FAM227B: variants seen among roughly 807,000 people sequenced by gnomAD.
FAM227B encodes the protein family with sequence similarity 227 member B, also known as protein FAM227B.
Under a neutral mutation model 73.8 loss-of-function variants are expected in FAM227B, and 88 were observed. The observed-to-expected ratio is 1.19, with a 90% CI of 1.00 to 1.42. The LOEUF (loss-of-function observed/expected upper bound fraction) is 1.42, where lower values mean the gene tolerates loss of function less well. FAM227B is among the 40% of genes most tolerant of loss of function. FAM227B has a pLI of 0.00. For synonymous variants in FAM227B, 210 were observed against 190.5 expected (o/e 1.10, Z -0.84); for missense variants, 632 against 590.9 (o/e 1.07, Z -0.72).
chr15:49,329,903 CCAATG>C (rs2038295220), intron 15 of FAM227B: 1 of 275,846 alleles, frequency 3.6e-6, no homozygotes, highest in Non-Finnish European at 5.5e-6. Flanking sequence ...GTAAAAATTT[CCAATG>C]TGCACTCTTC....
chr15:49,461,985 C>A (rs764498180), intron 11 of FAM227B, among the ~76,000 whole-genome samples: 6 of 152,132 alleles, frequency 3.9e-5, no homozygotes, highest in Admixed American at 2.0e-4. Flanking sequence ...GCCTGGCCAA[C>A]ATGGCAAAAT....
chr15:49,468,930 A>C (rs2054496909), intron 11 of FAM227B, among the ~76,000 whole-genome samples: 1 of 152,114 alleles, frequency 6.6e-6, no homozygotes, highest in Non-Finnish European at 1.5e-5. Flanking sequence ...GTCACTTTTG[A>C]AAAAGTCAAT....
Position 49,568,184 on chromosome 15 carries a change from G to C in FAM227B, c.747+61C>G, listed in dbSNP as rs555995362. ...CTCATATGGGTTTAAATAAAATAACGATTTTTTCTATTTCATTCACTTTAA... is the reference window on the plus strand; with the variant it reads ...CTCATATGGGTTTAAATAAAATAACCATTTTTTCTATTTCATTCACTTTAA... On this transcript the variant is annotated intron_variant, in intron 9 of 15. Coordinates refer to ENST00000299338, the MANE Select transcript of FAM227B (RefSeq NM_152647.3). 4 of 1,384,954 alleles carry C rather than the reference G, an allele frequency of 2.9e-6. No homozygotes were observed. The African/African-American group carries it at 5.9e-5, about 20-fold the overall frequency. The allele number at this position is 1,384,954 out of a possible 1,614,324, so 85.8% of individuals were successfully genotyped here.
At chr15:49,552,096 A>G (rs928744470) in intron 9 of FAM227B, among the ~76,000 whole-genome samples, 2 of 152,176 alleles carry the variant, frequency 1.3e-5, no homozygotes, top group African/African-American at 4.8e-5. Flanking sequence ...TGTAAATGTA[A>G]GTGATTACTT....
At chr15:49,522,613 A>T (rs2059867587) in intron 10 of FAM227B, among the ~76,000 whole-genome samples, 1 of 152,132 alleles carries the variant, frequency 6.6e-6, no homozygotes, top group Admixed American at 6.5e-5. Flanking sequence ...TAAAAATAAA[A>T]AACTCTCTGA....
At chr15:49,505,333 TAC>T (rs1229913996) in intron 11 of FAM227B, among the ~76,000 whole-genome samples, 4 of 152,184 alleles carry the variant, frequency 2.6e-5, no homozygotes, top group African/African-American at 7.2e-5. Context: ...GTAATGGTTT[TAC>T]AGATTTATAC....
At chr15:49,421,273 T>C (rs1352580496) in intron 11 of FAM227B, among the ~76,000 whole-genome samples, 1 of 152,206 alleles carries the variant, frequency 6.6e-6, no homozygotes, top group Admixed American at 6.5e-5. Context: ...TAAGTTTGGT[T>C]CTCCATTATA....
intron 10 of FAM227B, among the ~76,000 whole-genome samples, chr15:49,538,967 A>G (rs1280543279): frequency 1.3e-5 from 2 of 152,072 alleles, no homozygotes; most frequent in East Asian, 1.9e-4. Flanking sequence ...GTTACTAGAA[A>G]ATTATTGCAT....
chr15:49,363,092 T>C lies in FAM227B; in HGVS notation c.1271+4356A>G, dbSNP rs147764752. Among the ~76,000 whole-genome samples, 454 of 152,322 alleles carry C rather than the reference T, an allele frequency of 3.0e-3. 4 individuals carry two copies. Among genetic ancestry groups the C allele is most frequent in the African/African-American group, 0.01 (428 of 41,588 alleles). On this transcript the variant is annotated intron_variant, in intron 13 of 15. Coordinates refer to ENST00000299338, the MANE Select transcript of FAM227B (RefSeq NM_152647.3). ...GCTTTGTCCTTTTTGCTTAAGATTGTCTTGGCTGTTCAAGCTCTTTTTTGG... is the reference window on the plus strand; with the variant it reads ...GCTTTGTCCTTTTTGCTTAAGATTGCCTTGGCTGTTCAAGCTCTTTTTTGG...
At chr15:49,411,872 A>AT (rs1206751979) in intron 11 of FAM227B, among the ~76,000 whole-genome samples, 1 of 152,080 alleles carries the variant, frequency 6.6e-6, no homozygotes, top group African/African-American at 2.4e-5. Context: ...GGATATATCA[A>AT]TTGTTATGGG....
At chr15:49,427,063 T>C (rs1023414628) in intron 11 of FAM227B, among the ~76,000 whole-genome samples, 1 of 151,900 alleles carries the variant, frequency 6.6e-6, no homozygotes, top group Admixed American at 6.6e-5. Context: ...ATGAAGAATA[T>C]ATGGAGAATA....
chr15:49,562,312 C>T (rs543187724), intron 9 of FAM227B, among the ~76,000 whole-genome samples: 3 of 151,690 alleles, frequency 2.0e-5, no homozygotes, highest in South Asian at 4.2e-4. Flanking sequence ...AAATTGAAAC[C>T]CTGAACAGAC....
chr15:49,612,130 T>C (rs554884735), intron 2 of FAM227B, among the ~76,000 whole-genome samples: 1 of 152,016 alleles, frequency 6.6e-6, no homozygotes, highest in Non-Finnish European at 1.5e-5. Context: ...TTAGGGTACA[T>C]GTGTACAACG....
chr15:49,534,260 G>A (rs977820758), intron 10 of FAM227B, among the ~76,000 whole-genome samples: 2 of 151,826 alleles, frequency 1.3e-5, no homozygotes, highest in Admixed American at 6.6e-5. Flanking sequence ...TCTACTTAAA[G>A]TTTCACCTCT....
intron 13 of FAM227B, among the ~76,000 whole-genome samples, chr15:49,346,107 A>T (rs2041461100): frequency 6.6e-6 from 1 of 151,652 alleles, no homozygotes; most frequent in Non-Finnish European, 1.5e-5. Context: ...TGAACACGAA[A>T]CTTAACCTTT....
intron 11 of FAM227B, among the ~76,000 whole-genome samples, chr15:49,373,657 T>A (rs1045406673): frequency 6.6e-6 from 1 of 152,140 alleles, no homozygotes; most frequent in African/African-American, 2.4e-5. Flanking sequence ...TCCATAATTA[T>A]CCCCTATTTA....
intron 11 of FAM227B, among the ~76,000 whole-genome samples, chr15:49,421,416 T>G (rs916742564): frequency 4.9e-4 from 74 of 152,358 alleles, no homozygotes; most frequent in African/African-American, 1.8e-3. Flanking sequence ...ACTTGGATCA[T>G]ATTTCCAAAT....
chr15:49,386,008 C>T (rs2046863036), intron 11 of FAM227B, among the ~76,000 whole-genome samples: 1 of 151,816 alleles, frequency 6.6e-6, no homozygotes, highest in African/African-American at 2.4e-5. Context: ...AAAACAATCA[C>T]TATTAGACCT....
chr15:49,530,593 G>A (rs1345400446), intron 10 of FAM227B, among the ~76,000 whole-genome samples: 1 of 151,756 alleles, frequency 6.6e-6, no homozygotes, highest in Non-Finnish European at 1.5e-5. Flanking sequence ...CTTTGCCTCT[G>A]TTGTAATAGA....
Sources: allele counts gnomAD v4.1 joint callset (sites outside exome capture counted in the v4.1 genomes callset), GRCh38; gene constraint gnomAD v4.1.1; transcripts MANE v1.5; gene names NCBI Gene and HGNC (gene_info 2026-07-23, HGNC 2026-07-21).